ZNF804A: variants seen among roughly 807,000 people sequenced by gnomAD.
ZNF804A encodes zinc finger protein 804A.
Under a neutral mutation model 16.5 loss-of-function variants are expected in ZNF804A, and 2 were observed. That is an observed-to-expected ratio of 0.12 (90% CI 0.05 to 0.38). The LOEUF (loss-of-function observed/expected upper bound fraction) is 0.38, where lower values mean the gene tolerates loss of function less well. Ranked by LOEUF, ZNF804A falls within the 10% of genes least tolerant of loss-of-function variation. The pLI is 0.99. For missense variants in ZNF804A, 1,473 were observed against 1,390.7 expected (o/e 1.06, Z -0.94); for synonymous variants, 534 against 489.6 (o/e 1.09, Z -1.20).
chr2:184,766,600 T>C (rs760999194), intron 1 of ZNF804A, among the ~76,000 whole-genome samples: 2 of 151,014 alleles, frequency 1.3e-5, no homozygotes, highest in Non-Finnish European at 1.5e-5. Flanking sequence ...ATGACTGTCT[T>C]GTAAAAATAA....
chr2:184,788,834 T>C (rs745845584), intron 1 of ZNF804A, among the ~76,000 whole-genome samples: 2 of 151,956 alleles, frequency 1.3e-5, no homozygotes, highest in Admixed American at 6.6e-5. Context: ...TTTTCTTCTA[T>C]CTGATTGTTC....
intron 1 of ZNF804A, among the ~76,000 whole-genome samples, chr2:184,745,341 C>T (rs1230987610): frequency 2.0e-5 from 3 of 151,650 alleles, no homozygotes; most frequent in South Asian, 2.1e-4. Flanking sequence ...ATGGATTCTC[C>T]GTAAATATGA....
At chr2:184,874,653 T>C (rs925781756) in intron 2 of ZNF804A, among the ~76,000 whole-genome samples, 3 of 152,184 alleles carry the variant, frequency 2.0e-5, no homozygotes, top group Non-Finnish European at 4.4e-5. Context: ...TTGTTAAACT[T>C]TAATCAATAT....
intron 1 of ZNF804A, among the ~76,000 whole-genome samples, chr2:184,771,330 A>C (rs1694209100): frequency 6.6e-6 from 1 of 152,044 alleles, no homozygotes; most frequent in Admixed American, 6.6e-5. Context: ...AGTGGCTTAA[A>C]AAAAAACAAA....
intron 1 of ZNF804A, among the ~76,000 whole-genome samples, chr2:184,664,754 G>A (rs1692230198): frequency 6.6e-6 from 1 of 152,160 alleles, no homozygotes; most frequent in Admixed American, 6.5e-5. Context: ...GTTTGGGACA[G>A]AGGGAGGCTT....
intron 1 of ZNF804A, among the ~76,000 whole-genome samples, chr2:184,766,240 A>G (rs1410720112): frequency 1.3e-5 from 2 of 152,138 alleles, no homozygotes; most frequent in African/African-American, 4.8e-5. Context: ...AAATATCAAA[A>G]TTATTGTTTG....
chr2:184,770,016 T>C (rs904329647), intron 1 of ZNF804A, among the ~76,000 whole-genome samples: 1 of 152,074 alleles, frequency 6.6e-6, no homozygotes, highest in Non-Finnish European at 1.5e-5. Context: ...CGAAGAAAGA[T>C]TGTCATATTT....
At chr2:184,870,922 A>G (rs569748775) in intron 2 of ZNF804A, among the ~76,000 whole-genome samples, 1 of 151,990 alleles carries the variant, frequency 6.6e-6, no homozygotes, top group African/African-American at 2.4e-5. Flanking sequence ...CATATAATAT[A>G]TGCACTCTAT....
intron 1 of ZNF804A, among the ~76,000 whole-genome samples, chr2:184,692,408 G>A (rs1692747007): frequency 6.6e-6 from 1 of 152,148 alleles, no homozygotes; most frequent in South Asian, 2.1e-4. Context: ...ACCCATAACT[G>A]TCTATTTGGC....
chr2:184,819,297 A>G (rs1476516323), intron 1 of ZNF804A, among the ~76,000 whole-genome samples: 1 of 152,090 alleles, frequency 6.6e-6, no homozygotes, highest in Non-Finnish European at 1.5e-5. Context: ...ATGGACCCTG[A>G]ACAACCTGCT....
intron 1 of ZNF804A, among the ~76,000 whole-genome samples, chr2:184,865,026 C>T (rs1182837268): frequency 6.6e-6 from 1 of 151,694 alleles, no homozygotes. Context: ...ATTACAGGTG[C>T]CTGCCACCAT....
chr2:184,814,166 C>A (rs1694942410), intron 1 of ZNF804A, among the ~76,000 whole-genome samples: 1 of 151,650 alleles, frequency 6.6e-6, no homozygotes, highest in Non-Finnish European at 1.5e-5. Flanking sequence ...CCATACAGTT[C>A]CTGATAGTTC....
rs567969399 is a variant in ZNF804A, at chr2:184,733,270, A to G, written c.112-133099A>G. Among the ~76,000 whole-genome samples, 14 of 152,176 alleles carry G rather than the reference A, an allele frequency of 9.2e-5. No individual in the cohort carries two copies. In the South Asian group the frequency reaches 2.5e-3, roughly 27 times the overall value. ...GAATTTTCTCAAAACCCACTTCTGA[A>G]TTTATTTCTATGCTCCTGTGATTTT... On this transcript the variant is annotated intron_variant, in intron 1 of 3. Coordinates refer to ENST00000302277, the MANE Select transcript of ZNF804A (RefSeq NM_194250.2).
intron 1 of ZNF804A, among the ~76,000 whole-genome samples, chr2:184,841,827 A>G (rs1695440574): frequency 6.6e-6 from 1 of 152,144 alleles, no homozygotes; most frequent in Admixed American, 6.6e-5. Context: ...TCTTGAGAGC[A>G]ATGTCAGGCA....
intron 1 of ZNF804A, among the ~76,000 whole-genome samples, chr2:184,661,334 A>G (rs1692172961): frequency 6.6e-6 from 1 of 152,172 alleles, no homozygotes; most frequent in African/African-American, 2.4e-5. Flanking sequence ...CGCACCAACC[A>G]CAGCTCAGCG....
At chr2:184,892,771 C>T (rs1024207614) in intron 2 of ZNF804A, among the ~76,000 whole-genome samples, 3 of 152,212 alleles carry the variant, frequency 2.0e-5, no homozygotes, top group Non-Finnish European at 4.4e-5. Flanking sequence ...GTGTGAGCCA[C>T]TGCACTCAGC....
chr2:184,738,443 T>C (rs1174886965), intron 1 of ZNF804A, among the ~76,000 whole-genome samples: 2 of 152,186 alleles, frequency 1.3e-5, no homozygotes, highest in African/African-American at 4.8e-5. Context: ...CATAGCCTAA[T>C]AGACTATGTT....
At chr2:184,840,424 T>C (rs1695418879) in intron 1 of ZNF804A, among the ~76,000 whole-genome samples, 1 of 152,084 alleles carries the variant, frequency 6.6e-6, no homozygotes, top group Non-Finnish European at 1.5e-5. Context: ...ATCTTAACTA[T>C]TTTCTTGTTA....
At chr2:184,648,504 CT>C (rs143996600) in intron 1 of ZNF804A, among the ~76,000 whole-genome samples, 3,019 of 152,102 alleles carry the variant, frequency 0.02, 43 homozygotes, top group Non-Finnish European at 0.033. Flanking sequence ...AACAAACAAA[CT>C]AAAAAACAAG....
Sources: gnomAD v4.1 joint callset for allele counts (sites outside exome capture counted in the v4.1 genomes callset) on GRCh38, gnomAD v4.1.1 for gene constraint, MANE v1.5 for transcripts, NCBI Gene and HGNC (gene_info 2026-07-23, HGNC 2026-07-21) for gene names.